DGKB: variants seen among roughly 807,000 people sequenced by gnomAD.
DGKB encodes diacylglycerol kinase beta.
In DGKB, 67 loss-of-function variants were observed where a neutral mutation model predicts 114.3. That is an observed-to-expected ratio of 0.59 (90% CI 0.48 to 0.72). The LOEUF is 0.72. Among genes scored for constraint, DGKB ranks in the 30% least tolerant of loss-of-function variants. DGKB has a pLI of 0.00. For missense variants in DGKB, 907 were observed against 975.2 expected (o/e 0.93, Z 0.93); for synonymous variants, 398 against 323.1 (o/e 1.23, Z -2.49).
chr7:14,216,180 G>C (rs1488726132), intron 23 of DGKB, among the ~76,000 whole-genome samples: 1 of 152,066 alleles, frequency 6.6e-6, no homozygotes, highest in Admixed American at 6.6e-5. Flanking sequence ...AATAGAACAA[G>C]AAGAAGAAAT....
At chr7:14,846,471 C>G (rs2128148767) in intron 1 of DGKB, among the ~76,000 whole-genome samples, 1 of 152,286 alleles carries the variant, frequency 6.6e-6, no homozygotes, top group East Asian at 1.9e-4. Flanking sequence ...ATTTCAAATA[C>G]AGAGGCACAG....
At chr7:14,794,653 T>C (rs1357674184) in intron 2 of DGKB, among the ~76,000 whole-genome samples, 1 of 152,168 alleles carries the variant, frequency 6.6e-6, no homozygotes, top group African/African-American at 2.4e-5. Context: ...CAGAGCATTA[T>C]CTTGCAACTG....
At chr7:14,543,502 T>C (rs1487559055) in intron 20 of DGKB, among the ~76,000 whole-genome samples, 1 of 151,832 alleles carries the variant, frequency 6.6e-6, no homozygotes, top group East Asian at 1.9e-4. Context: ...GAGTTAGAAG[T>C]TCTATCTGAA....
At chr7:14,515,525 C>T (rs963616173) in intron 20 of DGKB, among the ~76,000 whole-genome samples, 2 of 152,070 alleles carry the variant, frequency 1.3e-5, no homozygotes, top group South Asian at 4.1e-4. Context: ...TTTTCATTTG[C>T]CTACTAAAGT....
intron 20 of DGKB, among the ~76,000 whole-genome samples, chr7:14,528,224 C>T (rs1418362079): frequency 6.6e-6 from 1 of 152,110 alleles, no homozygotes; most frequent in Non-Finnish European, 1.5e-5. Context: ...ACTGCACTGA[C>T]AGCTGCTCTC....
intron 1 of DGKB, among the ~76,000 whole-genome samples, chr7:14,841,673 C>G (rs1397156101): frequency 6.6e-6 from 1 of 152,120 alleles, no homozygotes; most frequent in Non-Finnish European, 1.5e-5. Flanking sequence ...TTTTATCAGT[C>G]TGTACCAATT....
intron 2 of DGKB, among the ~76,000 whole-genome samples, chr7:14,778,170 G>T (rs1375566990): frequency 6.6e-6 from 1 of 152,162 alleles, no homozygotes; most frequent in African/African-American, 2.4e-5. Context: ...GAAGCAGAAA[G>T]AGAACAGGAT....
At chr7:14,678,823 G>A (rs1820332849) in intron 12 of DGKB, among the ~76,000 whole-genome samples, 1 of 151,964 alleles carries the variant, frequency 6.6e-6, no homozygotes, top group South Asian at 2.1e-4. Context: ...GGCTGCGAAT[G>A]TGGAGACAAA....
chr7:14,445,918 A>C (rs1830665997), intron 21 of DGKB, among the ~76,000 whole-genome samples: 2 of 151,714 alleles, frequency 1.3e-5, no homozygotes, highest in Non-Finnish European at 1.5e-5. Flanking sequence ...GTAGGAAATA[A>C]CTAGAAGTTC....
chr7:14,361,002 C>T (rs565945317), intron 21 of DGKB, among the ~76,000 whole-genome samples: 1 of 151,984 alleles, frequency 6.6e-6, no homozygotes, highest in Non-Finnish European at 1.5e-5. Flanking sequence ...AAAAAAATTA[C>T]ACCTCTCTAG....
chr7:14,768,140 C>T (rs1836750559), intron 2 of DGKB, among the ~76,000 whole-genome samples: 1 of 151,922 alleles, frequency 6.6e-6, no homozygotes, highest in East Asian at 1.9e-4. Context: ...GAACATAAAA[C>T]TCCAAAATAT....
intron 2 of DGKB, among the ~76,000 whole-genome samples, chr7:14,807,223 C>T (rs902525754): frequency 1.3e-5 from 2 of 151,928 alleles, no homozygotes; most frequent in African/African-American, 4.8e-5. Context: ...TTCTACCTCA[C>T]ACATATAATT....
chr7:14,415,070 A>C (rs1392771111), intron 21 of DGKB, among the ~76,000 whole-genome samples: 2 of 151,928 alleles, frequency 1.3e-5, no homozygotes, highest in African/African-American at 4.8e-5. Flanking sequence ...ATGTATTTCT[A>C]AAAGTAAATA....
intron 20 of DGKB, among the ~76,000 whole-genome samples, chr7:14,513,130 A>G (rs1165756509): frequency 1.3e-5 from 2 of 152,098 alleles, no homozygotes; most frequent in Non-Finnish European, 2.9e-5. Flanking sequence ...GTAGAAAATG[A>G]CATCCATTAT....
At chr7:14,153,997 G>A (rs1584079698) in intron 25 of DGKB, among the ~76,000 whole-genome samples, 2 of 152,000 alleles carry the variant, frequency 1.3e-5, no homozygotes, top group Middle Eastern at 6.8e-3. Context: ...CGTATTTGGG[G>A]TGTTTTCTAG....
chr7:14,178,426 A>C (rs1272382752), intron 23 of DGKB, among the ~76,000 whole-genome samples: 2 of 143,396 alleles, frequency 1.4e-5, no homozygotes, highest in East Asian at 2.1e-4. Context: ...AAAAAAAAAA[A>C]AACCCAGTAG....
At chr7:14,942,938 T>C (rs763367245) in intron 1 of DGKB, among the ~76,000 whole-genome samples, 1 of 151,952 alleles carries the variant, frequency 6.6e-6, no homozygotes, top group Non-Finnish European at 1.5e-5. Context: ...TTTTTTTTCA[T>C]TTGCTCATTG....
At chr7:14,343,242 G>T (rs1811924373) in intron 22 of DGKB, among the ~76,000 whole-genome samples, 1 of 149,016 alleles carries the variant, frequency 6.7e-6, no homozygotes, top group Non-Finnish European at 1.5e-5. Context: ...CACAGTGCTG[G>T]CTGTGATTTA....
intron 15 of DGKB, among the ~76,000 whole-genome samples, chr7:14,619,524 G>A (rs1162187761): frequency 6.6e-6 from 1 of 151,542 alleles, no homozygotes; most frequent in Non-Finnish European, 1.5e-5. Flanking sequence ...GAGATTAGAG[G>A]AGTTAAAATT....
Sources: gnomAD v4.1 joint callset for allele counts (sites outside exome capture counted in the v4.1 genomes callset) on GRCh38, gnomAD v4.1.1 for gene constraint, MANE v1.5 for transcripts, NCBI Gene and HGNC (gene_info 2026-07-23, HGNC 2026-07-21) for gene names.